SUCLG2: variants seen among roughly 807,000 people sequenced by gnomAD.
SUCLG2 encodes the protein succinate--CoA ligase [GDP-forming] subunit beta, mitochondrial.
A neutral mutation model predicts 47.9 loss-of-function variants in SUCLG2; 42 were observed. The ratio of observed to expected loss-of-function variants is 0.88; its 90% CI spans 0.69 to 1.14. SUCLG2 has a LOEUF of 1.14. Ranked by LOEUF, SUCLG2 falls within the 50% of genes most tolerant of loss-of-function variation. The pLI, the probability that SUCLG2 is intolerant of heterozygous loss-of-function variation, is 0.00. For missense variants in SUCLG2, 571 were observed against 525.9 expected (o/e 1.09, Z -0.84); for synonymous variants, 195 against 197.3 (o/e 0.99, Z 0.10).
intron 9 of SUCLG2, among the ~76,000 whole-genome samples, chr3:67,413,792 T>C (rs985870499): frequency 6.6e-6 from 1 of 152,226 alleles, no homozygotes; most frequent in African/African-American, 2.4e-5. Context: ...CCAGATATGC[T>C]AGAGCTTCCT....
chr3:67,556,010 G>T (rs747572204), intron 2 of SUCLG2, among the ~76,000 whole-genome samples: 3 of 152,210 alleles, frequency 2.0e-5, no homozygotes, highest in Non-Finnish European at 4.4e-5. Flanking sequence ...TTCCCCGAGT[G>T]GGGGACCTGA....
chr3:67,415,920 C>T (rs1012132455), intron 9 of SUCLG2, among the ~76,000 whole-genome samples: 2 of 152,180 alleles, frequency 1.3e-5, no homozygotes, highest in Non-Finnish European at 2.9e-5. Flanking sequence ...GGGCTCCTTC[C>T]TATTTGTTCT....
chr3:67,650,931 TG>T (rs1701274891), intron 1 of SUCLG2, among the ~76,000 whole-genome samples: 1 of 152,118 alleles, frequency 6.6e-6, no homozygotes, highest in African/African-American at 2.4e-5. Flanking sequence ...CCCTAAGACT[TG>T]ACTGGCAGTA....
chr3:67,534,720 T>C (rs1706490788), intron 2 of SUCLG2, among the ~76,000 whole-genome samples: 1 of 123,772 alleles, frequency 8.1e-6, no homozygotes, highest in South Asian at 2.5e-4. Flanking sequence ...TATTAAAAGA[T>C]ATATTTCTAC....
intron 9 of SUCLG2, among the ~76,000 whole-genome samples, chr3:67,451,813 TA>T (rs567216745): frequency 1.8e-4 from 28 of 152,254 alleles, no homozygotes; most frequent in African/African-American, 6.7e-4. Context: ...AAAGATAATA[TA>T]ATCTATGATG....
intron 2 of SUCLG2, among the ~76,000 whole-genome samples, chr3:67,564,327 T>C (rs2107222936): frequency 6.6e-6 from 1 of 152,256 alleles, no homozygotes; most frequent in South Asian, 2.1e-4. Flanking sequence ...CTCCCCTCGC[T>C]ATTAATAGTA....
At chr3:67,622,860 C>A (rs1372849038) in intron 1 of SUCLG2, among the ~76,000 whole-genome samples, 2 of 152,300 alleles carry the variant, frequency 1.3e-5, no homozygotes, top group African/African-American at 4.8e-5. Context: ...GCATTAAGCA[C>A]CCATCCCTGT....
In SUCLG2 at chr3:67,498,138, G is replaced by A. The variant is rs755372634; in HGVS notation, c.915C>T (p.Cys305=). The A allele has an allele frequency of 1.9e-6, 3 of 1,605,204 alleles. No homozygotes were observed. Among genetic ancestry groups the A allele is most frequent in the Non-Finnish European group, 2.6e-6 (3 of 1,175,110 alleles). Residue 305 remains cysteine (C), a synonymous_variant, in exon 8 of 11, where the codon TGC becomes TGT. Coordinates refer to ENST00000307227, the MANE Select transcript of SUCLG2 (RefSeq NM_003848.4). ...KYIGLDGNIA[C]FVNGAGLAMA... ...TTTGATATAACTGCTTCTTACCAAA[G>A]CAGGCAATGTTCCCATCTAGTCCTA...
chr3:67,400,943 G>C (rs1313364857), intron 9 of SUCLG2, 92 bp from the exon 10 acceptor site: 1 of 1,547,926 alleles, frequency 6.5e-7, no homozygotes, highest in Non-Finnish European at 8.7e-7. Context: ...ATTAAAATAA[G>C]ACTGCTCGTT....
intron 9 of SUCLG2, among the ~76,000 whole-genome samples, chr3:67,432,072 A>T (rs527567699): frequency 6.6e-6 from 1 of 152,258 alleles, no homozygotes; most frequent in South Asian, 2.1e-4. Context: ...CTTTGTCCCA[A>T]CTGCATTTTT....
rs1223981648 is a variant in SUCLG2, at chr3:67,375,234, G to A, written c.*510C>T. 9 of 985,754 alleles carry A rather than the reference G, an allele frequency of 9.1e-6. No homozygotes were observed. The highest frequency in any genetic ancestry group is 1.7e-5 in the African/African-American group (1 of 57,236). 61.1% of individuals were successfully genotyped at this position (985,754 alleles called of 1,614,324 possible). A position where few individuals can be genotyped will look rare whatever the true frequency, so the allele number is the denominator to read the frequency against. The stretch of plus-strand genomic sequence containing the variant: ...AGAAACCTGTAAAATCTGCAGTAGT[G>A]TGTAATAGCTATTTGCTTGAATGTC... On this transcript the variant is annotated 3_prime_UTR_variant, in exon 11 of 11. Coordinates refer to ENST00000307227, the MANE Select transcript of SUCLG2 (RefSeq NM_003848.4).
At chr3:67,376,342 T>C (rs1321466602) in intron 10 of SUCLG2, 1 of 985,292 alleles carries the variant, frequency 1.0e-6, no homozygotes, top group African/African-American at 1.7e-5. Flanking sequence ...TAAAATGAAA[T>C]GGGCTGAGCC....
chr3:67,565,814 G>A (rs532279411), intron 2 of SUCLG2, among the ~76,000 whole-genome samples: 54 of 152,276 alleles, frequency 3.5e-4, no homozygotes, highest in Non-Finnish European at 6.2e-4. Context: ...TCTACTAAAT[G>A]CATTGGTGAA....
chr3:67,523,510 T>G (rs1036976063), intron 4 of SUCLG2, among the ~76,000 whole-genome samples: 1 of 152,192 alleles, frequency 6.6e-6, no homozygotes, highest in Non-Finnish European at 1.5e-5. Flanking sequence ...TCTTTCAGAA[T>G]TTCTGATTGA....
intron 9 of SUCLG2, among the ~76,000 whole-genome samples, chr3:67,442,101 C>T (rs909572196): frequency 6.8e-6 from 1 of 146,554 alleles, no homozygotes; most frequent in African/African-American, 2.5e-5. Context: ...AGCTCCACCT[C>T]CCGGGTTCAC....
intron 9 of SUCLG2, among the ~76,000 whole-genome samples, chr3:67,474,190 G>A (rs887582858): frequency 6.6e-6 from 1 of 151,986 alleles, no homozygotes; most frequent in Admixed American, 6.6e-5. Flanking sequence ...AACCTGGGAG[G>A]TGGAGCTTGC....
chr3:67,428,703 A>G (rs1199988206), intron 9 of SUCLG2, among the ~76,000 whole-genome samples: 1 of 152,212 alleles, frequency 6.6e-6, no homozygotes, highest in African/African-American at 2.4e-5. Flanking sequence ...AAAACCTTGA[A>G]AAAATATTAG....
intron 7 of SUCLG2, among the ~76,000 whole-genome samples, chr3:67,504,933 G>C (rs187562076): frequency 6.6e-6 from 1 of 152,256 alleles, no homozygotes; most frequent in East Asian, 1.9e-4. Context: ...CACTGCATTT[G>C]GACAAACAAG....
At chr3:67,474,254 C>T (rs1704686644) in intron 9 of SUCLG2, among the ~76,000 whole-genome samples, 1 of 150,376 alleles carries the variant, frequency 6.6e-6, no homozygotes, top group Non-Finnish European at 1.5e-5. Flanking sequence ...AGGGAGACTC[C>T]ATCTCAAAAA....
Sources: allele counts gnomAD v4.1 joint callset (sites outside exome capture counted in the v4.1 genomes callset), GRCh38; gene constraint gnomAD v4.1.1; transcripts MANE v1.5; gene names NCBI Gene and HGNC (gene_info 2026-07-23, HGNC 2026-07-21).